Variants in PLCD4 observed in about 807,000 individuals in gnomAD.
The protein encoded by PLCD4 is phospholipase C delta 4.
A neutral mutation model predicts 90.2 loss-of-function variants in PLCD4; 63 were observed. That is an observed-to-expected ratio of 0.70 (90% CI 0.57 to 0.86). The LOEUF (loss-of-function observed/expected upper bound fraction) is 0.86, where lower values mean the gene tolerates loss of function less well. Among genes scored for constraint, PLCD4 ranks in the 40% least tolerant of loss-of-function variants. The probability of loss-of-function intolerance (pLI) is 0.00; values close to 1 mark genes in which losing one functional copy is unlikely to be tolerated. For synonymous variants in PLCD4, 294 were observed against 356.5 expected (o/e 0.82, Z 1.97); for missense variants, 830 against 956.3 (o/e 0.87, Z 1.74).
In PLCD4 at chr2:218,632,129, C is replaced by A; in HGVS notation, c.1273-7C>A. The A allele has an allele frequency of 6.3e-7, 1 of 1,597,104 alleles. No homozygotes were observed. Among genetic ancestry groups the A allele is most frequent in the East Asian group, 2.2e-5 (1 of 44,548 alleles). ...GGTAGACAGGCCCCTTCATTTTTGT[C>A]CCCTAGGAGCTTCGGAGGAAGATCC... On this transcript the variant is annotated splice_polypyrimidine_tract_variant and splice_region_variant and intron_variant, in intron 9 of 15. Coordinates refer to ENST00000450993, the MANE Select transcript of PLCD4 (RefSeq NM_032726.4).
intron 3 of PLCD4, 148 bp downstream of exon 3, chr2:218,616,210 A>G: frequency 1.1e-6 from 1 of 873,292 alleles, no homozygotes; most frequent in South Asian, 1.8e-5. Context: ...AGATCATAAC[A>G]GTACTTGCCT....
At position 218,634,733 on chromosome 2, in the gene PLCD4, T is replaced by C. The variant is rs1664207488; in HGVS notation, c.1896+103T>C. ...CGGAATGTAGAGGCCGGATAGCCTA[T>C]TAACAGTGTCTAGTTTTAGCTTTTG... is the stretch of plus-strand genomic sequence containing the variant. On this transcript the variant is annotated intron_variant, in intron 13 of 15. Coordinates refer to ENST00000450993, the MANE Select transcript of PLCD4 (RefSeq NM_032726.4). The surrounding 1 kb of genome is among the most constrained non-coding windows in gnomAD (Gnocchi z 4.0). The C allele has an allele frequency of 6.8e-6, 9 of 1,328,344 alleles. No homozygotes were observed. Among genetic ancestry groups the C allele is most frequent in the Non-Finnish European group, 1.0e-6 (1 of 963,680 alleles). 82.3% of individuals were successfully genotyped at this position (1,328,344 alleles called of 1,614,324 possible).
rs1559263388 is a variant in PLCD4, at chr2:218,616,076, A to G, written c.181+14A>G. 2 of 1,612,204 alleles carry G rather than the reference A, an allele frequency of 1.2e-6. No homozygotes were observed. The highest frequency in any genetic ancestry group is 1.7e-6 in the Non-Finnish European group (2 of 1,179,004). On this transcript the variant is annotated intron_variant, in intron 3 of 15. Transcript: ENST00000450993. Reference sequence around the variant, plus strand: ...CCAAGCCCAGCTGTGAGTGACCTGGATAGTGGGGGGTGGATACATGGGTGG... The same window carrying G: ...CCAAGCCCAGCTGTGAGTGACCTGGGTAGTGGGGGGTGGATACATGGGTGG...
intron 3 of PLCD4, 79 bp from the exon 4 acceptor site, chr2:218,618,500 G>T (rs1359708694): frequency 3.2e-6 from 4 of 1,240,780 alleles, no homozygotes; most frequent in African/African-American, 1.5e-5. Context: ...GGAGAAGGGG[G>T]TGCTGGTCCT....
At chr2:218,626,467 C>A (rs186467693) in intron 6 of PLCD4, among the ~76,000 whole-genome samples, 18 of 152,154 alleles carry the variant, frequency 1.2e-4, no homozygotes, top group Admixed American at 1.1e-3. Context: ...GGCCTGGGTT[C>A]AAATCCCAGC....
chr2:218,635,967 G>C, intron 14 of PLCD4, 36 bp downstream of exon 14: 1 of 1,613,554 alleles, frequency 6.2e-7, no homozygotes, highest in Non-Finnish European at 8.5e-7. Flanking sequence ...GTGGGGGTAG[G>C]AGCATGATTA....
At chr2:218,611,268 C>A (rs531085374) in intron 1 of PLCD4, among the ~76,000 whole-genome samples, 4 of 152,192 alleles carry the variant, frequency 2.6e-5, no homozygotes, top group African/African-American at 9.6e-5. Context: ...CAAAGCCAAG[C>A]TTTGGGGTTA....
rs1553572001 is a variant in PLCD4, at chr2:218,616,960, A to AGAGAGAGAT, written c.181+906_181+907insTGAGAGAGA. 1.8e-3 allele frequency among the ~76,000 whole-genome samples: 166 copies of AGAGAGAGAT among 92,638 alleles called. 7 individuals carry two copies. The highest frequency in any genetic ancestry group is 6.2e-3 in the African/African-American group (142 of 22,970). 60.8% of individuals were successfully genotyped at this position (92,638 alleles called of 152,430 possible). A position where few individuals can be genotyped will look rare whatever the true frequency, so the allele number is the denominator to read the frequency against. On this transcript the variant is annotated intron_variant, in intron 3 of 15. Transcript: ENST00000450993. ...GAGAGAGAGAGAGAGAGAGAGAGAG[A>AGAGAGAGAT]GAGAGAGAGAGAGAGAGAGAGAGAG...
intron 8 of PLCD4, 128 bp from the exon 9 acceptor site, chr2:218,630,522 G>T: frequency 9.3e-7 from 1 of 1,072,732 alleles, no homozygotes. Context: ...TAATGGAGTT[G>T]GAAGAGTTTA....
At chr2:218,611,687 C>T (rs1695340169) in intron 1 of PLCD4, among the ~76,000 whole-genome samples, 2 of 152,148 alleles carry the variant, frequency 1.3e-5, no homozygotes, top group Admixed American at 1.3e-4. Flanking sequence ...CAACCTCTGC[C>T]TCCTGGTTTC....
At chr2:218,614,842 A>G (rs1649957010) in intron 1 of PLCD4, among the ~76,000 whole-genome samples, 1 of 152,218 alleles carries the variant, frequency 6.6e-6, no homozygotes, top group African/African-American at 2.4e-5. Context: ...TATTTGGTCC[A>G]TTAAAACTGT....
chr2:218,636,299 G>T lies in PLCD4; in HGVS notation c.2089G>T (p.Ala697Ser), dbSNP rs755113711. 1.2e-6 allele frequency: 2 copies of T among 1,613,920 alleles called. No individual in the cohort carries two copies. Among genetic ancestry groups the T allele is most frequent in the Non-Finnish European group, 1.7e-6 (2 of 1,179,906 alleles). The change falls in exon 15 of 16, where the codon GCC becomes TCC. Residue 697 changes from alanine (A) to serine (S), a missense_variant. Transcript: ENST00000450993. ...TTTCCGGGTGCTGGTGCCTGAACTT[G>T]CCATGCTGCGTTTTGTGGTAATGGA... The part of the protein sequence containing the change: ...LCFRVLVPEL[A>S]MLRFVVMDYD...
At chr2:218,614,902 TAGA>T (rs1379826610) in intron 1 of PLCD4, among the ~76,000 whole-genome samples, 1 of 152,098 alleles carries the variant, frequency 6.6e-6, no homozygotes, top group South Asian at 2.1e-4. Flanking sequence ...CATGTGAAGG[TAGA>T]AGAAGACAAC....
At chr2:218,625,969 G>T (rs1024781350) in intron 6 of PLCD4, among the ~76,000 whole-genome samples, 1 of 151,630 alleles carries the variant, frequency 6.6e-6, no homozygotes, top group Non-Finnish European at 1.5e-5. Context: ...CAAACAAAAA[G>T]AATGAAACTT....
chr2:218,635,878 T>C lies in PLCD4; in HGVS notation c.1979T>C (p.Phe660Ser). ...IVDPLVKVQI[F>S]GVRLDTARQE... Reference sequence around the variant, plus strand: ...GATCCACTGGTGAAAGTGCAGATCTTTGGCGTTCGTCTAGACACAGCACGG... The same window carrying C: ...GATCCACTGGTGAAAGTGCAGATCTCTGGCGTTCGTCTAGACACAGCACGG... Residue 660 changes from phenylalanine to serine, a missense_variant, in exon 14 of 16, where the codon TTT (phenylalanine) becomes TCT (serine). Phe to Ser is a radical substitution (Grantham distance 155). Transcript: ENST00000450993. 6.2e-7 allele frequency: 1 copy of C among 1,613,914 alleles called. No homozygotes were observed. Among genetic ancestry groups the C allele is most frequent in the Non-Finnish European group, 8.5e-7 (1 of 1,179,868 alleles).
At position 218,632,233 on chromosome 2, in the gene PLCD4, C is replaced by G. The variant is rs953385606; in HGVS notation, c.1370C>G (p.Ser457Ter). ...EEEAEPELEE[S>*]ELALESQFET... ...GAAGCAGAACCTGAGTTGGAAGAGTCAGAATTGGCGCTGGAGTCCCAGTTT... is the reference window on the plus strand; with the variant it reads ...GAAGCAGAACCTGAGTTGGAAGAGTGAGAATTGGCGCTGGAGTCCCAGTTT... The change falls in exon 10 of 16, where the codon TCA (serine) becomes TGA (stop). Residue 457 changes from serine to a stop codon, truncating the protein, a stop_gained. Coordinates refer to ENST00000450993, the MANE Select transcript of PLCD4 (RefSeq NM_032726.4). LOFTEE classifies it high-confidence loss of function. 18 of 1,611,520 alleles carry G rather than the reference C, an allele frequency of 1.1e-5. No individual in the cohort carries two copies. Among genetic ancestry groups the G allele is most frequent in the Non-Finnish European group, 1.5e-5 (18 of 1,178,916 alleles).
chr2:218,617,155 G>A (rs1169472067), intron 3 of PLCD4, among the ~76,000 whole-genome samples: 21 of 145,324 alleles, frequency 1.4e-4, no homozygotes, highest in African/African-American at 3.0e-4. Flanking sequence ...TAGTAGAGGC[G>A]GGGTTTCACT....
chr2:218,630,759 C>T lies in PLCD4; in HGVS notation c.1229C>T (p.Thr410Ile). The T allele has an allele frequency of 1.2e-6, 2 of 1,613,952 alleles. No individual in the cohort carries two copies. Among genetic ancestry groups the T allele is most frequent in the South Asian group, 1.1e-5 (1 of 91,064 alleles). ...TEILGEQLLSTTLDGVLPTQL... is the reference protein window; with the variant it reads ...TEILGEQLLSITLDGVLPTQL... ...ATCCTGGGGGAGCAGCTGCTGAGCA[C>T]CACCTTGGATGGGGTGCTGCCCACT... is the stretch of plus-strand genomic sequence containing the variant. The change falls in exon 9 of 16, where the codon ACC becomes ATC. Residue 410 changes from threonine to isoleucine, a missense_variant. Transcript: ENST00000450993.
At chr2:218,630,847 G>A in intron 9 of PLCD4, 45 bp downstream of exon 9, 2 of 1,550,852 alleles carry the variant, frequency 1.3e-6, no homozygotes, top group Non-Finnish European at 8.7e-7. Flanking sequence ...GTGGCTTCTG[G>A]ATTCCGCCAC....
Sources: gnomAD v4.1 joint callset for allele counts (sites outside exome capture counted in the v4.1 genomes callset) on GRCh38, gnomAD v4.1.1 for gene constraint, Gnocchi (gnomAD v3.1) non-coding constraint, MANE v1.5 for transcripts, NCBI Gene and HGNC (gene_info 2026-07-23, HGNC 2026-07-21) for gene names.